KCNB2: variants seen among roughly 807,000 people sequenced by gnomAD.
The protein encoded by KCNB2 is potassium voltage-gated channel subfamily B member 2.
Under a neutral mutation model 61.5 loss-of-function variants are expected in KCNB2, and 15 were observed. The observed-to-expected ratio is 0.24, with a 90% CI of 0.16 to 0.38. The LOEUF is 0.38. Among genes scored for constraint, KCNB2 ranks in the 10% least tolerant of loss-of-function variants. KCNB2 has a pLI of 1.00. For synonymous variants in KCNB2, 457 were observed against 446.0 expected, an observed-to-expected ratio of 1.02 and a Z score of -0.31; for missense variants, 828 against 1,125.2, an observed-to-expected ratio of 0.74 and a Z score of 3.78.
intron 2 of KCNB2, among the ~76,000 whole-genome samples, chr8:72,599,675 G>A (rs1807259208): frequency 6.6e-6 from 1 of 151,998 alleles, no homozygotes; most frequent in South Asian, 2.1e-4. Context: ...CAGGATGGGA[G>A]AAAATTTTTG....
intron 2 of KCNB2, among the ~76,000 whole-genome samples, chr8:72,658,884 T>C (rs1459836352): frequency 6.6e-6 from 1 of 152,198 alleles, no homozygotes; most frequent in African/African-American, 2.4e-5. Context: ...TGAGGCTCAC[T>C]GCTCAGAAAA....
chr8:72,569,470 T>C (rs1448539161), intron 2 of KCNB2, among the ~76,000 whole-genome samples: 1 of 152,240 alleles, frequency 6.6e-6, no homozygotes, highest in Admixed American at 6.5e-5. Context: ...ATTTTCTTTC[T>C]GGTTGACTTC....
chr8:72,657,899 CAG>C (rs1806317363), intron 2 of KCNB2, among the ~76,000 whole-genome samples: 1 of 152,082 alleles, frequency 6.6e-6, no homozygotes, highest in Non-Finnish European at 1.5e-5. Flanking sequence ...CCATATAAGA[CAG>C]AGAATTTAAA....
intron 2 of KCNB2, among the ~76,000 whole-genome samples, chr8:72,636,995 C>T (rs754412517): frequency 2.0e-5 from 3 of 152,140 alleles, no homozygotes; most frequent in Admixed American, 6.5e-5. Context: ...ACTATTGAGT[C>T]GAAAGGTAAG....
At chr8:72,730,205 G>A (rs894470635) in intron 2 of KCNB2, among the ~76,000 whole-genome samples, 3 of 152,182 alleles carry the variant, frequency 2.0e-5, no homozygotes, top group African/African-American at 7.2e-5. Context: ...AGTTGAGCTT[G>A]TTAAGGGCCA....
At chr8:72,572,591 A>T (rs1474652084) in intron 2 of KCNB2, among the ~76,000 whole-genome samples, 1 of 150,778 alleles carries the variant, frequency 6.6e-6, no homozygotes, top group Non-Finnish European at 1.5e-5. Flanking sequence ...TCTCTCTCAC[A>T]CAGACACACA....
chr8:72,745,910 C>T (rs140676825), intron 2 of KCNB2, among the ~76,000 whole-genome samples: 2 of 152,116 alleles, frequency 1.3e-5, no homozygotes, highest in African/African-American at 4.8e-5. Flanking sequence ...CAAAGACACT[C>T]TTATCACTCT....
chr8:72,769,538 G>A (rs772652476), intron 2 of KCNB2, among the ~76,000 whole-genome samples: 18 of 152,210 alleles, frequency 1.2e-4, no homozygotes, highest in Non-Finnish European at 2.1e-4. Context: ...TTGGAAGGTG[G>A]GAAAGACACT....
chr8:72,686,387 GC>G (rs1373077054), intron 2 of KCNB2, among the ~76,000 whole-genome samples: 1 of 151,890 alleles, frequency 6.6e-6, no homozygotes, highest in Non-Finnish European at 1.5e-5. Context: ...TTGCTCTGTT[GC>G]CCAGGCTGGA....
chr8:72,626,834 C>T (rs1309012320), intron 2 of KCNB2, among the ~76,000 whole-genome samples: 1 of 152,168 alleles, frequency 6.6e-6, no homozygotes, highest in Admixed American at 6.5e-5. Flanking sequence ...TTATAACAAC[C>T]CTGCAAAAGG....
chr8:72,634,727 ATAATG>A (rs1805937646), intron 2 of KCNB2, among the ~76,000 whole-genome samples: 1 of 152,218 alleles, frequency 6.6e-6, no homozygotes, highest in Non-Finnish European at 1.5e-5. Flanking sequence ...ATTAAAGAGA[ATAATG>A]TAATTTAAAG....
At chr8:72,604,258 C>T (rs1000112003) in intron 2 of KCNB2, among the ~76,000 whole-genome samples, 1 of 152,156 alleles carries the variant, frequency 6.6e-6, no homozygotes, top group Non-Finnish European at 1.5e-5. Context: ...ACAACCTATA[C>T]ACAATGAATG....
intron 2 of KCNB2, among the ~76,000 whole-genome samples, chr8:72,644,866 C>T (rs777272005): frequency 3.3e-5 from 5 of 152,038 alleles, no homozygotes; most frequent in South Asian, 2.1e-4. Context: ...CTTGACCAAA[C>T]GAAATGAAAG....
At chr8:72,850,506 C>A (rs1810082564) in intron 2 of KCNB2, among the ~76,000 whole-genome samples, 1 of 152,112 alleles carries the variant, frequency 6.6e-6, no homozygotes, top group South Asian at 2.1e-4. Flanking sequence ...CAGGTGTGAG[C>A]CACTGCACCC....
chr8:72,740,119 A>G (rs1320594629), intron 2 of KCNB2, among the ~76,000 whole-genome samples: 1 of 152,198 alleles, frequency 6.6e-6, no homozygotes, highest in East Asian at 1.9e-4. Flanking sequence ...TTCTTTCTAA[A>G]TTTGCTTGAT....
At chr8:72,671,408 CATTTATTGAACAACTACTCTGT>C (rs1448871960) in intron 2 of KCNB2, among the ~76,000 whole-genome samples, 8 of 152,170 alleles carry the variant, frequency 5.3e-5, no homozygotes, top group African/African-American at 1.9e-4. Flanking sequence ...ATTCATCCAG[CATTTATTGAACAACTACTCTGT>C]ATTAGGCACT....
intron 2 of KCNB2, among the ~76,000 whole-genome samples, chr8:72,825,050 G>A (rs188616169): frequency 5.3e-5 from 8 of 152,086 alleles, no homozygotes; most frequent in African/African-American, 9.6e-5. Flanking sequence ...ACACTAATTC[G>A]TCTTTCCTCT....
intron 2 of KCNB2, among the ~76,000 whole-genome samples, chr8:72,891,187 C>T (rs562906696): frequency 1.8e-4 from 27 of 152,294 alleles, no homozygotes; most frequent in African/African-American, 5.8e-4. Context: ...TCTAAAACCA[C>T]ATGCTGCTTA....
At chr8:72,565,206 T>C (rs992901136) in intron 1 of KCNB2, among the ~76,000 whole-genome samples, 5 of 152,134 alleles carry the variant, frequency 3.3e-5, no homozygotes, top group African/African-American at 1.2e-4. Flanking sequence ...CTGCTGCAAG[T>C]ATATTTATTG....
Sources: gnomAD v4.1 joint callset for allele counts (sites outside exome capture counted in the v4.1 genomes callset) on GRCh38, gnomAD v4.1.1 for gene constraint, MANE v1.5 for transcripts, NCBI Gene and HGNC (gene_info 2026-07-23, HGNC 2026-07-21) for gene names.